OR56A3: variants seen among roughly 807,000 people sequenced by gnomAD.
The protein encoded by OR56A3 is olfactory receptor 56A3.
OR56A3 carries 23 observed loss-of-function variants against 17.5 expected under a neutral mutation model. The ratio of observed to expected loss-of-function variants is 1.32; its 90% CI spans 0.95 to 1.87. OR56A3 has a LOEUF of 1.87. OR56A3 is among the 40% of genes most tolerant of loss of function. The pLI is 0.00. For missense variants in OR56A3, 366 were observed against 380.1 expected, an observed-to-expected ratio of 0.96 and a Z score of 0.31; for synonymous variants, 175 against 150.6, an observed-to-expected ratio of 1.16 and a Z score of -1.19.
At chr11:6,002,334 G>C in the OR56A3 span, 3 of 1,613,986 alleles carry the variant, frequency 1.9e-6, no homozygotes, top group Non-Finnish European at 2.5e-6. Flanking sequence ...AAAAGAATAG[G>C]AGATAACAAT....
the OR56A3 span, among the ~76,000 whole-genome samples, chr11:5,977,231 A>G: frequency 6.6e-6 from 1 of 152,180 alleles, no homozygotes; most frequent in East Asian, 1.9e-4. Context: ...TATATATCCA[A>G]TAATGGGATT....
the OR56A3 span, among the ~76,000 whole-genome samples, chr11:5,984,613 G>T: frequency 6.6e-6 from 1 of 152,110 alleles, no homozygotes; most frequent in Non-Finnish European, 1.5e-5. Flanking sequence ...GCCCTAGACT[G>T]GGAATGAAGC....
At chr11:5,943,130 G>A (rs1345074892) in intron 1 of OR56A3, among the ~76,000 whole-genome samples, 1 of 152,164 alleles carries the variant, frequency 6.6e-6, no homozygotes, top group East Asian at 1.9e-4. Flanking sequence ...TTTACTTCTA[G>A]GGATGAGTAC....
the OR56A3 span, among the ~76,000 whole-genome samples, chr11:5,973,274 A>T: frequency 6.6e-6 from 1 of 152,194 alleles, no homozygotes; most frequent in Non-Finnish European, 1.5e-5. Context: ...GCATTACATT[A>T]TAGTATCAAT....
chr11:5,985,774 C>T, the OR56A3 span: 2 of 622,948 alleles, frequency 3.2e-6, no homozygotes, highest in South Asian at 2.7e-5. Context: ...CCAGGTACAT[C>T]CCAATAAGCC....
At chr11:6,006,076 G>C in the OR56A3 span, among the ~76,000 whole-genome samples, 1 of 152,130 alleles carries the variant, frequency 6.6e-6, no homozygotes, top group Admixed American at 6.5e-5. Flanking sequence ...GGTGAGGAGG[G>C]CTACAAGAAA....
At chr11:5,983,219 T>C in the OR56A3 span, among the ~76,000 whole-genome samples, 1 of 152,144 alleles carries the variant, frequency 6.6e-6, no homozygotes, top group South Asian at 2.1e-4. Flanking sequence ...TTTTCTAATA[T>C]AGGCATTTAA....
At chr11:6,009,695 G>A in the OR56A3 span, among the ~76,000 whole-genome samples, 1 of 152,056 alleles carries the variant, frequency 6.6e-6, no homozygotes, top group Non-Finnish European at 1.5e-5. Context: ...AGAACTTTTT[G>A]TCTTTGGGGT....
chr11:5,957,442 AAC>A, the OR56A3 span, among the ~76,000 whole-genome samples: 1 of 152,242 alleles, frequency 6.6e-6, no homozygotes, highest in African/African-American at 2.4e-5. Context: ...TATAAAATTA[AAC>A]AGTGAGTGAA....
At position 5,947,446 on chromosome 11, in the gene OR56A3, C is replaced by T. The variant is rs746910286; in HGVS notation, c.100C>T (p.Pro34Ser). Residue 34 changes from proline (P) to serine (S), a missense_variant, in exon 3 of 3, where the codon CCC becomes TCC. Transcript: ENST00000641160. ...CAGCTGGCAGCACTGGCTGTCCCTGCCCCTCAGCCTCCTTTTCCTCTTGGC... is the reference window on the plus strand; with the variant it reads ...CAGCTGGCAGCACTGGCTGTCCCTGTCCCTCAGCCTCCTTTTCCTCTTGGC... ...SPSWQHWLSL[P>S]LSLLFLLAVG... 5.0e-6 allele frequency: 8 copies of T among 1,614,218 alleles called. No homozygotes were observed. Among genetic ancestry groups the T allele is most frequent in the Admixed American group, 3.3e-5 (2 of 60,028 alleles).
the OR56A3 span, among the ~76,000 whole-genome samples, chr11:5,972,248 G>A: frequency 6.6e-6 from 1 of 152,178 alleles, no homozygotes; most frequent in Non-Finnish European, 1.5e-5. Flanking sequence ...TCCCTTGTAT[G>A]CAATAATATG....
chr11:6,018,760 TAAACA>T, the OR56A3 span, among the ~76,000 whole-genome samples: 11 of 74,410 alleles, frequency 1.5e-4, no homozygotes, highest in South Asian at 1.6e-3. Flanking sequence ...TTGGAAAAGA[TAAACA>T]AAATTGATAA....
chr11:5,986,309 A>C, the OR56A3 span: 6 of 1,613,998 alleles, frequency 3.7e-6, no homozygotes, highest in South Asian at 6.6e-5. Flanking sequence ...GTGGTTTCTG[A>C]GCAGGCAAGT....
At chr11:6,020,566 T>C in the OR56A3 span, 1 of 152,120 alleles carries the variant, frequency 6.6e-6, no homozygotes, top group African/African-American at 2.4e-5. Flanking sequence ...ATTTTTTGTG[T>C]GGCAGCTGTG....
the OR56A3 span, among the ~76,000 whole-genome samples, chr11:6,008,832 A>G: frequency 6.2e-4 from 95 of 152,224 alleles, no homozygotes; most frequent in Non-Finnish European, 1.9e-4. Flanking sequence ...CAAGGATTGT[A>G]TTATCCTGTA....
At chr11:5,967,488 A>G in the OR56A3 span, 2 of 1,169,874 alleles carry the variant, frequency 1.7e-6, no homozygotes, top group East Asian at 2.5e-5. Context: ...TTTTCTATGC[A>G]TCATAACAAT....
chr11:5,993,418 A>T, the OR56A3 span, among the ~76,000 whole-genome samples: 2 of 152,052 alleles, frequency 1.3e-5, no homozygotes, highest in Admixed American at 1.3e-4. Context: ...TTTCTTTAAC[A>T]CTCTGAGGAA....
chr11:5,957,241 T>C, the OR56A3 span, among the ~76,000 whole-genome samples: 1 of 152,204 alleles, frequency 6.6e-6, no homozygotes, highest in South Asian at 2.1e-4. Flanking sequence ...CACTGGAGTG[T>C]TTAACAGAAG....
chr11:5,986,892 TG>T, the OR56A3 span: 1 of 1,613,652 alleles, frequency 6.2e-7, no homozygotes, highest in Admixed American at 1.7e-5. Flanking sequence ...GCATTATCAA[TG>T]GCTTGGAGAG....
Sources: allele counts gnomAD v4.1 joint callset (sites outside exome capture counted in the v4.1 genomes callset), GRCh38; gene constraint gnomAD v4.1.1; transcripts MANE v1.5; gene names NCBI Gene and HGNC (gene_info 2026-07-23, HGNC 2026-07-21).